STXBP4: variants seen among roughly 807,000 people sequenced by gnomAD.
STXBP4 encodes syntaxin binding protein 4.
A neutral mutation model predicts 76.1 loss-of-function variants in STXBP4; 55 were observed. That is an observed-to-expected ratio of 0.72 (90% CI 0.58 to 0.91). STXBP4 has a LOEUF of 0.91. STXBP4 is among the 40% of genes least tolerant of loss of function. The pLI, the probability that STXBP4 is intolerant of heterozygous loss-of-function variation, is 0.00. For missense variants in STXBP4, 618 were observed against 636.9 expected (o/e 0.97, Z 0.32); for synonymous variants, 201 against 220.2 (o/e 0.91, Z 0.77).
chr17:55,130,808 A>T (rs2079966116), intron 16 of STXBP4, among the ~76,000 whole-genome samples: 1 of 152,206 alleles, frequency 6.6e-6, no homozygotes, highest in African/African-American at 2.4e-5. Context: ...TCCACTTTGC[A>T]TAATCTCCTC....
chr17:55,207,632 G>C, the STXBP4 span, among the ~76,000 whole-genome samples: 5 of 152,178 alleles, frequency 3.3e-5, no homozygotes, highest in African/African-American at 1.2e-4. Context: ...CTTTGTTTTA[G>C]AAAATCCTAT....
chr17:55,163,129 A>G lies in STXBP4; in HGVS notation c.*3218A>G, dbSNP rs996939734. On this transcript the variant is annotated 3_prime_UTR_variant, in exon 18 of 18. Coordinates refer to ENST00000376352, the MANE Select transcript of STXBP4 (RefSeq NM_178509.6). ...TAAATTCTCCATAAAAGTAGGACCA[A>G]CTTACATTACCACCAATAGTGTATG... The G allele has an allele frequency of 3.3e-5, 5 of 151,958 alleles. No homozygotes were observed. Among genetic ancestry groups the G allele is most frequent in the Non-Finnish European group, 7.4e-5 (5 of 68,008 alleles). 9.4% of individuals were successfully genotyped at this position (151,958 alleles called of 1,614,324 possible).
At chr17:55,195,766 T>G in the STXBP4 span, among the ~76,000 whole-genome samples, 5 of 152,216 alleles carry the variant, frequency 3.3e-5, no homozygotes, top group Admixed American at 2.6e-4. Flanking sequence ...TGCATTAGGC[T>G]GTAAACTTCT....
intron 8 of STXBP4, among the ~76,000 whole-genome samples, chr17:55,020,085 A>G (rs2078280873): frequency 6.6e-6 from 1 of 152,168 alleles, no homozygotes; most frequent in African/African-American, 2.4e-5. Context: ...CTCAGCTAGC[A>G]TCACTTTGAA....
At chr17:55,211,793 T>TTTG in the STXBP4 span, among the ~76,000 whole-genome samples, 751 of 131,904 alleles carry the variant, frequency 5.7e-3, 28 homozygotes, top group East Asian at 0.022. Context: ...TTTCCTGTTT[T>TTTG]TTGTTGTTTT....
At chr17:55,202,530 GT>G in the STXBP4 span, among the ~76,000 whole-genome samples, 2 of 151,994 alleles carry the variant, frequency 1.3e-5, no homozygotes, top group Admixed American at 1.3e-4. Flanking sequence ...AAACACAGAA[GT>G]TTTGGTTTAA....
In STXBP4 at chr17:55,161,551, A is replaced by G. The variant is rs907392939; in HGVS notation, c.*1640A>G. ...TTTTCTAATTCGTTTCTAGTGAGCA[A>G]AACAAAGAAGGTGCTTGAGTCACTG... On this transcript the variant is annotated 3_prime_UTR_variant, in exon 18 of 18. Transcript: ENST00000376352. 1 of 152,146 alleles carries G rather than the reference A, an allele frequency of 6.6e-6. No individual in the cohort carries two copies. The highest frequency in any genetic ancestry group is 1.5e-5 in the Non-Finnish European group (1 of 68,028). The allele number at this position is 152,146 out of a possible 1,614,324, so 9.4% of individuals were successfully genotyped here. A position where few individuals can be genotyped will look rare whatever the true frequency, so the allele number is the denominator to read the frequency against.
chr17:55,044,191 G>C (rs2078753102), intron 11 of STXBP4: 1 of 151,876 alleles, frequency 6.6e-6, no homozygotes, highest in South Asian at 2.1e-4. Flanking sequence ...TCTGTTTTTA[G>C]AAGAATATTA....
rs189251303 is a variant in STXBP4, at chr17:55,152,431, G to A, written c.1548-7366G>A. The stretch of plus-strand genomic sequence containing the variant: ...CCAGATAACAATTCTTATGCATTTC[G>A]TGGTATGTTAGTTTGTTTTCACACT... On this transcript the variant is annotated intron_variant, in intron 17 of 17. Transcript: ENST00000376352. Among the ~76,000 whole-genome samples the A allele has an allele frequency of 7.2e-4, 110 of 152,250 alleles. 1 individual carries two copies. The highest frequency in any genetic ancestry group is 2.5e-3 in the African/African-American group (105 of 41,552).
Position 55,117,419 on chromosome 17 carries a change from G to A in STXBP4, c.1490-23891G>A, listed in dbSNP as rs184798518. Among the ~76,000 whole-genome samples, 266 of 151,718 alleles carry A rather than the reference G, an allele frequency of 1.8e-3. 1 individual carries two copies. Among genetic ancestry groups the A allele is most frequent in the South Asian group, 9.1e-3 (44 of 4,818 alleles). Reference sequence around the variant, plus strand: ...TTTCGATGATGACCGAAGGTCTTAGGCAACCATTGTACCATAATGTTACTG... The same window carrying A: ...TTTCGATGATGACCGAAGGTCTTAGACAACCATTGTACCATAATGTTACTG... On this transcript the variant is annotated intron_variant, in intron 16 of 17. Transcript: ENST00000376352.
chr17:55,208,684 A>G, the STXBP4 span, among the ~76,000 whole-genome samples: 9 of 152,188 alleles, frequency 5.9e-5, no homozygotes, highest in African/African-American at 1.9e-4. Flanking sequence ...ATCTTTGAGT[A>G]GTGAATAAAG....
intron 9 of STXBP4, among the ~76,000 whole-genome samples, chr17:55,033,706 A>G (rs569556129): frequency 4.6e-5 from 7 of 152,302 alleles, no homozygotes; most frequent in Non-Finnish European, 4.4e-5. Context: ...TAAAATGGAC[A>G]GGATAAGAGG....
intron 4 of STXBP4, among the ~76,000 whole-genome samples, chr17:54,994,187 C>T (rs2144434852): frequency 6.6e-6 from 1 of 152,274 alleles, no homozygotes; most frequent in Admixed American, 6.5e-5. Context: ...AAGAGAGCTC[C>T]AAGGCCCTTT....
chr17:55,002,664 A>AAGT (rs1360308784), intron 7 of STXBP4, among the ~76,000 whole-genome samples: 1 of 152,172 alleles, frequency 6.6e-6, no homozygotes, highest in African/African-American at 2.4e-5. Flanking sequence ...CTAAGGAAGG[A>AAGT]AGTAGTGAGT....
At chr17:55,119,614 A>G (rs1224508824) in intron 16 of STXBP4, among the ~76,000 whole-genome samples, 1 of 152,060 alleles carries the variant, frequency 6.6e-6, no homozygotes, top group Admixed American at 6.6e-5. Flanking sequence ...ACTTTGACCT[A>G]AAAAAGATTG....
In STXBP4 at chr17:55,073,060, A is replaced by C; in HGVS notation, c.1172A>C (p.Tyr391Ser). The C allele has an allele frequency of 1.9e-6, 3 of 1,613,658 alleles. No homozygotes were observed. Among genetic ancestry groups the C allele is most frequent in the Non-Finnish European group, 2.5e-6 (3 of 1,179,802 alleles). The change falls in exon 13 of 18, where the codon TAT (tyrosine) becomes TCT (serine). Residue 391 changes from tyrosine to serine, a missense_variant. By Grantham distance (144) the Tyr-to-Ser change is moderately radical (BLOSUM62 -2). Coordinates refer to ENST00000376352, the MANE Select transcript of STXBP4 (RefSeq NM_178509.6). ...GAGCTAAAGGCTCAGCTTGCTGATT[A>C]TTCTGACCAAAATAAAGTAAGCAAA... is the stretch of plus-strand genomic sequence containing the variant. ...ITELKAQLAD[Y>S]SDQNKESVQD...
At chr17:54,976,330 A>G (rs1230327207) in intron 1 of STXBP4, among the ~76,000 whole-genome samples, 1 of 152,226 alleles carries the variant, frequency 6.6e-6, no homozygotes, top group Non-Finnish European at 1.5e-5. Context: ...AATAGGACCA[A>G]TTGTCCCATA....
At chr17:54,992,425 A>AG (rs1193076412) in intron 4 of STXBP4, among the ~76,000 whole-genome samples, 1 of 151,900 alleles carries the variant, frequency 6.6e-6, no homozygotes, top group Non-Finnish European at 1.5e-5. Context: ...AAAAAAAAAA[A>AG]AAAAGTATTA....
rs1389269241 is a variant in STXBP4 at position 55,099,042 on chromosome 17, A to G, written c.1489+17859A>G. ...ATATATATTTTAATTTCATTTACTT[A>G]GGAATGAACTTAAAACAATGAGGCA... On this transcript the variant is annotated intron_variant, in intron 16 of 17. Transcript: ENST00000376352. 3.9e-5 allele frequency among the ~76,000 whole-genome samples: 6 copies of G among 152,204 alleles called. No individual in the cohort carries two copies. The South Asian group carries it at 8.3e-4, about 21-fold the overall frequency.
Sources: allele counts gnomAD v4.1 joint callset (sites outside exome capture counted in the v4.1 genomes callset), GRCh38; gene constraint gnomAD v4.1.1; transcripts MANE v1.5; gene names NCBI Gene and HGNC (gene_info 2026-07-23, HGNC 2026-07-21).